Variants in STXBP5L observed in about 807,000 individuals in gnomAD.
STXBP5L encodes the protein syntaxin binding protein 5L.
In STXBP5L, 65 loss-of-function variants were observed where a neutral mutation model predicts 144.5. The ratio of observed to expected loss-of-function variants is 0.45; its 90% CI spans 0.37 to 0.55. STXBP5L has a LOEUF of 0.55. Ranked by LOEUF, STXBP5L falls within the 20% of genes least tolerant of loss-of-function variation. The probability of loss-of-function intolerance (pLI) is 0.00; values close to 1 mark genes in which losing one functional copy is unlikely to be tolerated. For missense variants in STXBP5L, 1,298 were observed against 1,405.5 expected (o/e 0.92, Z 1.22); for synonymous variants, 505 against 469.6 (o/e 1.08, Z -0.97).
chr3:121,117,827 T>G (rs2044297484), intron 6 of STXBP5L, among the ~76,000 whole-genome samples: 1 of 151,692 alleles, frequency 6.6e-6, no homozygotes, highest in Non-Finnish European at 1.5e-5. Context: ...TATTGGTTAT[T>G]TGGAACCTGG....
chr3:121,343,021 T>A (rs992130506), intron 20 of STXBP5L, among the ~76,000 whole-genome samples: 1 of 151,838 alleles, frequency 6.6e-6, no homozygotes, highest in Non-Finnish European at 1.5e-5. Flanking sequence ...GTTTCCTGAC[T>A]TTTTAATGAT....
chr3:121,046,320 AT>A (rs956153827), intron 5 of STXBP5L, among the ~76,000 whole-genome samples: 7 of 151,542 alleles, frequency 4.6e-5, no homozygotes, highest in African/African-American at 1.7e-4. Flanking sequence ...TGGCCTGAAG[AT>A]TTTTTTGTTG....
chr3:121,009,917 G>T (rs920439376), intron 3 of STXBP5L, among the ~76,000 whole-genome samples: 2 of 151,800 alleles, frequency 1.3e-5, no homozygotes, highest in African/African-American at 2.4e-5. Context: ...CATCTGCTTG[G>T]ACTCCTACTG....
intron 7 of STXBP5L, among the ~76,000 whole-genome samples, chr3:121,147,807 G>C (rs2045772756): frequency 6.6e-6 from 1 of 152,158 alleles, no homozygotes; most frequent in Admixed American, 6.6e-5. Flanking sequence ...GAACAAAAAG[G>C]CTAACCCTTT....
chr3:120,985,149 T>C (rs1942175307), intron 3 of STXBP5L, among the ~76,000 whole-genome samples: 1 of 152,146 alleles, frequency 6.6e-6, no homozygotes, highest in South Asian at 2.1e-4. Context: ...TGTGTGACTT[T>C]GTTGTTAGGG....
At chr3:121,110,897 C>T (rs925839461) in intron 5 of STXBP5L, among the ~76,000 whole-genome samples, 1 of 152,104 alleles carries the variant, frequency 6.6e-6, no homozygotes, top group African/African-American at 2.4e-5. Flanking sequence ...TTTACATAAC[C>T]CCATAGGTCC....
chr3:120,976,424 T>C (rs1448828104), intron 3 of STXBP5L, among the ~76,000 whole-genome samples: 1 of 152,166 alleles, frequency 6.6e-6, no homozygotes, highest in Non-Finnish European at 1.5e-5. Flanking sequence ...GTCTATTTGA[T>C]TCTTCTCTCT....
intron 5 of STXBP5L, among the ~76,000 whole-genome samples, chr3:121,061,036 C>G (rs1357273530): frequency 2.6e-5 from 4 of 151,974 alleles, no homozygotes; most frequent in Admixed American, 6.6e-5. Flanking sequence ...TTTGCTCTTG[C>G]TTTTTTAGTT....
intron 9 of STXBP5L, among the ~76,000 whole-genome samples, chr3:121,201,463 A>T (rs1342939073): frequency 6.6e-6 from 1 of 152,066 alleles, no homozygotes; most frequent in Non-Finnish European, 1.5e-5. Flanking sequence ...TTGATTCTTT[A>T]TCCAATTTAT....
At chr3:121,331,433 C>T (rs1284343016) in intron 20 of STXBP5L, among the ~76,000 whole-genome samples, 1 of 152,162 alleles carries the variant, frequency 6.6e-6, no homozygotes, top group Non-Finnish European at 1.5e-5. Context: ...GGAGCATCCT[C>T]CAAGTTCAGG....
At chr3:121,147,838 TCCTGC>T (rs1217908750) in intron 7 of STXBP5L, among the ~76,000 whole-genome samples, 8 of 152,298 alleles carry the variant, frequency 5.3e-5, no homozygotes. Context: ...AGAGAATTCT[TCCTGC>T]CTGACTGCTT....
At chr3:121,333,805 C>A (rs1468917636) in intron 20 of STXBP5L, among the ~76,000 whole-genome samples, 1 of 152,016 alleles carries the variant, frequency 6.6e-6, no homozygotes, top group African/African-American at 2.4e-5. Flanking sequence ...ACACAGACAC[C>A]CTCCCAAGAC....
intron 18 of STXBP5L, among the ~76,000 whole-genome samples, chr3:121,278,750 T>G (rs1475010701): frequency 2.0e-5 from 3 of 151,894 alleles, no homozygotes; most frequent in African/African-American, 7.2e-5. Flanking sequence ...CAAGATTCAT[T>G]AATTTTTCTC....
intron 5 of STXBP5L, among the ~76,000 whole-genome samples, chr3:121,054,084 G>A (rs1388683393): frequency 6.6e-6 from 1 of 152,110 alleles, no homozygotes; most frequent in Admixed American, 6.5e-5. Flanking sequence ...TAAAAAGTCA[G>A]GAAACAACAG....
chr3:121,223,697 G>A (rs372886980), intron 11 of STXBP5L, among the ~76,000 whole-genome samples: 3 of 152,240 alleles, frequency 2.0e-5, no homozygotes, highest in African/African-American at 7.2e-5. Context: ...GAGGAGAAAT[G>A]CTTATATATT....
At chr3:121,191,146 GGCAGA>G (rs2047661369) in intron 9 of STXBP5L, among the ~76,000 whole-genome samples, 1 of 152,214 alleles carries the variant, frequency 6.6e-6, no homozygotes, top group Non-Finnish European at 1.5e-5. Flanking sequence ...GTGGCGGCCG[GGCAGA>G]GGCTGCAATC....
intron 20 of STXBP5L, among the ~76,000 whole-genome samples, chr3:121,343,554 A>T (rs2044820549): frequency 6.6e-6 from 1 of 152,164 alleles, no homozygotes; most frequent in Admixed American, 6.6e-5. Context: ...GCAAAGTCTC[A>T]GGATACAAAA....
In STXBP5L at chr3:121,151,437, G is replaced by A. The variant is rs185791274; in HGVS notation, c.670-1040G>A. 3.8e-3 allele frequency among the ~76,000 whole-genome samples: 574 copies of A among 152,102 alleles called. 1 individual carries two copies. Among genetic ancestry groups the A allele is most frequent in the Non-Finnish European group, 6.7e-3 (454 of 67,980 alleles). ...TTGAAACCTTTTGTGTTTTTACTGC[G>A]AAAACTACTAGCTGGTTTACTTTTG... On this transcript the variant is annotated intron_variant, in intron 7 of 26. Coordinates refer to ENST00000471454, the MANE Select transcript of STXBP5L (RefSeq NM_001308330.2).
At chr3:121,403,363 C>T (rs1254585456) in intron 22 of STXBP5L, among the ~76,000 whole-genome samples, 4 of 152,038 alleles carry the variant, frequency 2.6e-5, no homozygotes, top group African/African-American at 9.7e-5. Context: ...TCACTATATT[C>T]CACTTATACT....
Sources: allele counts gnomAD v4.1 joint callset (sites outside exome capture counted in the v4.1 genomes callset), GRCh38; gene constraint gnomAD v4.1.1; transcripts MANE v1.5; gene names NCBI Gene and HGNC (gene_info 2026-07-23, HGNC 2026-07-21).